ARHGAP15: variants seen among roughly 807,000 people sequenced by gnomAD.
ARHGAP15 encodes rho GTPase-activating protein 15.
In ARHGAP15, 51 loss-of-function variants were observed where a neutral mutation model predicts 63.7. The observed-to-expected ratio is 0.80, with a 90% CI of 0.64 to 1.01. ARHGAP15 has a LOEUF of 1.01. Ranked by LOEUF, ARHGAP15 falls within the 50% of genes least tolerant of loss-of-function variation. The pLI is 0.00. For synonymous variants in ARHGAP15, 191 were observed against 193.8 expected, an observed-to-expected ratio of 0.99 and a Z score of 0.12; for missense variants, 560 against 564.6, an observed-to-expected ratio of 0.99 and a Z score of 0.08.
intron 9 of ARHGAP15, among the ~76,000 whole-genome samples, chr2:143,507,430 A>T (rs773891335): frequency 3.9e-5 from 6 of 152,108 alleles, no homozygotes; most frequent in Non-Finnish European, 8.8e-5. Context: ...TGAAACTCTC[A>T]TGTCAGTGAG....
At chr2:143,176,116 G>C (rs543012595) in intron 2 of ARHGAP15, among the ~76,000 whole-genome samples, 1 of 152,000 alleles carries the variant, frequency 6.6e-6, no homozygotes. Context: ...ATCAACAATT[G>C]GTCATGTGAG....
intron 6 of ARHGAP15, among the ~76,000 whole-genome samples, chr2:143,433,918 A>G (rs1689493210): frequency 6.6e-6 from 1 of 152,096 alleles, no homozygotes; most frequent in South Asian, 2.1e-4. Context: ...GGTCTAGGAC[A>G]TTACTAGTTT....
intron 8 of ARHGAP15, among the ~76,000 whole-genome samples, chr2:143,471,699 G>A (rs1457523396): frequency 6.6e-6 from 1 of 152,114 alleles, no homozygotes; most frequent in Non-Finnish European, 1.5e-5. Flanking sequence ...AGAAGCATGT[G>A]CAAAGGACCT....
At chr2:143,223,205 C>T (rs971953030) in intron 4 of ARHGAP15, among the ~76,000 whole-genome samples, 4 of 152,044 alleles carry the variant, frequency 2.6e-5, no homozygotes, top group African/African-American at 9.7e-5. Flanking sequence ...AACTCCTGAC[C>T]TCAAGTGATC....
At chr2:143,518,126 C>A (rs1279906909) in intron 9 of ARHGAP15, among the ~76,000 whole-genome samples, 1 of 152,088 alleles carries the variant, frequency 6.6e-6, no homozygotes, top group African/African-American at 2.4e-5. Flanking sequence ...TGTGAATGTA[C>A]TTAATGCCAC....
chr2:143,641,531 G>A (rs1174355631), intron 12 of ARHGAP15, among the ~76,000 whole-genome samples: 2 of 152,058 alleles, frequency 1.3e-5, no homozygotes, highest in Admixed American at 1.3e-4. Flanking sequence ...AGTTACTTCA[G>A]GAGATTAATT....
At chr2:143,364,606 G>A (rs1686213846) in intron 6 of ARHGAP15, among the ~76,000 whole-genome samples, 1 of 152,140 alleles carries the variant, frequency 6.6e-6, no homozygotes, top group East Asian at 1.9e-4. Context: ...AGAATCAGTA[G>A]GGTTCATGTA....
At position 143,153,824 on chromosome 2, in the gene ARHGAP15, CTTCTTCTTCTTCTTCT is replaced by C. The variant is rs1558779317; in HGVS notation, c.-14-1651_-14-1636del. 2.3e-3 allele frequency among the ~76,000 whole-genome samples: 199 copies of C among 88,164 alleles called. 1 individual carries two copies. Among genetic ancestry groups the C allele is most frequent in the Admixed American group, 3.1e-3 (23 of 7,392 alleles). 57.8% of individuals were successfully genotyped at this position (88,164 alleles called of 152,430 possible). A position where few individuals can be genotyped will look rare whatever the true frequency, so the allele number is the denominator to read the frequency against. ...TCTTCTTCTTCTTCTTCTTCTTCTT[CTTCTTCTTCTTCTTCT>C]TCTTCCTCCTCCTCCTCCTCCTCCT... is the stretch of plus-strand genomic sequence containing the variant. On this transcript the variant is annotated intron_variant, in intron 1 of 13. Coordinates refer to ENST00000295095, the MANE Select transcript of ARHGAP15 (RefSeq NM_018460.4).
intron 6 of ARHGAP15, among the ~76,000 whole-genome samples, chr2:143,318,658 A>G (rs1683846735): frequency 6.6e-6 from 1 of 151,930 alleles, no homozygotes; most frequent in Non-Finnish European, 1.5e-5. Context: ...TTTCTGAGCA[A>G]CAGTTTTCTT....
At chr2:143,430,302 C>G (rs905442480) in intron 6 of ARHGAP15, among the ~76,000 whole-genome samples, 1 of 151,626 alleles carries the variant, frequency 6.6e-6, no homozygotes, top group African/African-American at 2.4e-5. Flanking sequence ...AAATTGAAGA[C>G]CTTTTACATC....
At chr2:143,234,754 T>C (rs1693575688) in intron 5 of ARHGAP15, among the ~76,000 whole-genome samples, 1 of 152,190 alleles carries the variant, frequency 6.6e-6, no homozygotes, top group Non-Finnish European at 1.5e-5. Context: ...TGCTCCATTA[T>C]TCTGGGTTTG....
In ARHGAP15 at chr2:143,435,587, T is replaced by TC. The variant is rs750877145; in HGVS notation, c.475-14_475-13insC. 9.2e-6 allele frequency: 14 copies of TC among 1,513,740 alleles called. No homozygotes were observed. Among genetic ancestry groups the TC allele is most frequent in the African/African-American group, 1.4e-5 (1 of 70,146 alleles). The allele number at this position is 1,513,740 out of a possible 1,614,324, so 93.8% of individuals were successfully genotyped here. A position where few individuals can be genotyped will look rare whatever the true frequency, so the allele number is the denominator to read the frequency against. On this transcript the variant is annotated splice_polypyrimidine_tract_variant and intron_variant, in intron 6 of 13. Transcript: ENST00000295095. ...TTACCTGTCTATTTCTTTTTCTTTT[T>TC]TTTTTTTTTGCAGATCACAACAGTA...
At chr2:143,684,229 A>G (rs1683227163) in intron 12 of ARHGAP15, among the ~76,000 whole-genome samples, 1 of 152,190 alleles carries the variant, frequency 6.6e-6, no homozygotes, top group South Asian at 2.1e-4. Context: ...CAAGCAAGGT[A>G]AATCATCCAC....
At chr2:143,685,909 T>C (rs1489336733) in intron 12 of ARHGAP15, among the ~76,000 whole-genome samples, 1 of 152,042 alleles carries the variant, frequency 6.6e-6, no homozygotes, top group African/African-American at 2.4e-5. Context: ...TAAACAGTCT[T>C]CAAATCGAAA....
At chr2:143,534,111 G>T (rs189392093) in intron 10 of ARHGAP15, among the ~76,000 whole-genome samples, 1 of 152,276 alleles carries the variant, frequency 6.6e-6, no homozygotes, top group Admixed American at 6.5e-5. Context: ...GAGAGACGAG[G>T]TGGAAGTAAT....
At chr2:143,445,048 G>A (rs1690066604) in intron 8 of ARHGAP15, among the ~76,000 whole-genome samples, 2 of 151,564 alleles carry the variant, frequency 1.3e-5, no homozygotes, top group Admixed American at 1.3e-4. Context: ...TAAAAAGGTA[G>A]AGGACTAGAT....
At chr2:143,260,433 G>A (rs2105013259) in intron 6 of ARHGAP15, among the ~76,000 whole-genome samples, 1 of 152,130 alleles carries the variant, frequency 6.6e-6, no homozygotes, top group East Asian at 1.9e-4. Context: ...GATTATAGGA[G>A]ATAATGAGTT....
chr2:143,747,545 C>T (rs1015005050), intron 13 of ARHGAP15, among the ~76,000 whole-genome samples: 11 of 152,138 alleles, frequency 7.2e-5, no homozygotes, highest in Non-Finnish European at 1.3e-4. Context: ...TTCCTCCCTC[C>T]CTCCCCAAAA....
chr2:143,449,542 T>G (rs186486480), intron 8 of ARHGAP15, among the ~76,000 whole-genome samples: 3 of 152,204 alleles, frequency 2.0e-5, no homozygotes, highest in African/African-American at 7.2e-5. Flanking sequence ...AAATTCTGGA[T>G]GAGCAGCAAC....
Sources: allele counts gnomAD v4.1 joint callset (sites outside exome capture counted in the v4.1 genomes callset), GRCh38; gene constraint gnomAD v4.1.1; transcripts MANE v1.5; gene names NCBI Gene and HGNC (gene_info 2026-07-23, HGNC 2026-07-21).